The following SCAI variants were observed in gnomAD, a reference collection of about 807,000 sequenced individuals.
The protein encoded by SCAI is protein SCAI.
Under a neutral mutation model 92.2 loss-of-function variants are expected in SCAI, and 24 were observed. The ratio of observed to expected loss-of-function variants is 0.26; its 90% CI spans 0.19 to 0.37. SCAI has a LOEUF of 0.37. SCAI is among the 10% of genes least tolerant of loss of function. SCAI has a pLI of 1.00. For missense variants in SCAI, 450 were observed against 736.2 expected (o/e 0.61, Z 4.50); for synonymous variants, 261 against 258.6 (o/e 1.01, Z -0.09).
At chr9:125,085,919 G>A (rs1031905486) in intron 2 of SCAI, among the ~76,000 whole-genome samples, 5 of 152,146 alleles carry the variant, frequency 3.3e-5, no homozygotes. Flanking sequence ...GTGTCAAGCT[G>A]ACACATCCTC....
In SCAI at chr9:125,090,914, C is replaced by T. The variant is rs533074523; in HGVS notation, c.99-34907G>A. Among the ~76,000 whole-genome samples, 24 of 152,134 alleles carry T rather than the reference C, an allele frequency of 1.6e-4. No individual in the cohort carries two copies. The East Asian group carries it at 3.7e-3, about 23-fold the overall frequency. Reference sequence around the variant, plus strand: ...CAGGTGGATCATGAGGTCAAGAGATCGAGACCATCCTGGCCAACATGGTGA... The same window carrying T: ...CAGGTGGATCATGAGGTCAAGAGATTGAGACCATCCTGGCCAACATGGTGA... On this transcript the variant is annotated intron_variant, in intron 2 of 17. Transcript: ENST00000336505.
intron 17 of SCAI, among the ~76,000 whole-genome samples, chr9:124,956,304 C>T (rs1464685288): frequency 2.0e-5 from 3 of 152,226 alleles, no homozygotes; most frequent in East Asian, 1.9e-4. Flanking sequence ...CCACAACTTC[C>T]GCCTGCTGGG....
At chr9:124,967,287 T>C (rs1831561007) in intron 17 of SCAI, among the ~76,000 whole-genome samples, 1 of 152,162 alleles carries the variant, frequency 6.6e-6, no homozygotes, top group Non-Finnish European at 1.5e-5. Flanking sequence ...CCAATGGGAA[T>C]TAGAGCTAGC....
At position 125,011,789 on chromosome 9, in the gene SCAI, C is replaced by T. The variant is rs150132657; in HGVS notation, c.861+7010G>A. On this transcript the variant is annotated intron_variant, in intron 9 of 17. Coordinates refer to ENST00000336505, the MANE Select transcript of SCAI (RefSeq NM_001144877.3). ...GTTAAGGGCAGCCAGATAGAAAGGT[C>T]GGGTTACCACAAAGGGAAGCCCATC... Among the ~76,000 whole-genome samples the T allele has an allele frequency of 6.2e-3, 951 of 152,226 alleles. 8 individuals are homozygous for T. Among genetic ancestry groups the T allele is most frequent in the Middle Eastern group, 0.024 (7 of 294 alleles).
intron 17 of SCAI, among the ~76,000 whole-genome samples, chr9:124,965,669 C>G (rs1010395958): frequency 2.6e-5 from 4 of 152,190 alleles, no homozygotes; most frequent in African/African-American, 9.7e-5. Flanking sequence ...CACAAATTTT[C>G]TTTTCTTTTT....
intron 12 of SCAI, 68 bp from the exon 13 acceptor site, chr9:125,000,058 A>C: frequency 1.5e-6 from 1 of 668,448 alleles, no homozygotes; most frequent in South Asian, 2.1e-5. Flanking sequence ...GTTCAAATAC[A>C]AAGGTACTGT....
At chr9:125,032,193 A>AT (rs766382699) in intron 3 of SCAI, among the ~76,000 whole-genome samples, 30,417 of 108,706 alleles carry the variant, frequency 0.28, 4,423 homozygotes, top group Non-Finnish European at 0.34. Flanking sequence ...ATATATATAT[A>AT]TATTTTTTTT....
intron 17 of SCAI, among the ~76,000 whole-genome samples, chr9:124,967,912 G>A (rs1831571758): frequency 6.6e-6 from 1 of 152,192 alleles, no homozygotes; most frequent in African/African-American, 2.4e-5. Context: ...TTAACCAGTT[G>A]CTCTTCATGT....
intron 9 of SCAI, among the ~76,000 whole-genome samples, chr9:125,013,916 C>T (rs1377522447): frequency 2.6e-5 from 4 of 152,084 alleles, no homozygotes; most frequent in East Asian, 3.9e-4. Flanking sequence ...TAAATAGAAC[C>T]AAAGACAAAA....
intron 5 of SCAI, 28 bp from the exon 6 acceptor site, chr9:125,026,938 T>C (rs1303501018): frequency 1.5e-6 from 2 of 1,344,036 alleles, no homozygotes; most frequent in East Asian, 4.6e-5. Context: ...TTTTTAAATA[T>C]GACAGTGTCA....
intron 9 of SCAI, 143 bp downstream of exon 9, chr9:125,018,656 T>C (rs1832810703): frequency 6.2e-6 from 4 of 646,182 alleles, no homozygotes; most frequent in Non-Finnish European, 1.0e-5. Flanking sequence ...TGTAATATAT[T>C]CCATATATGC....
chr9:125,097,946 C>A (rs1293049668), intron 2 of SCAI, among the ~76,000 whole-genome samples: 2 of 150,622 alleles, frequency 1.3e-5, no homozygotes, highest in East Asian at 3.9e-4. Context: ...TATGAATATT[C>A]CTCTAAGAAT....
chr9:125,089,679 T>A (rs1382221819), intron 2 of SCAI, among the ~76,000 whole-genome samples: 1 of 151,322 alleles, frequency 6.6e-6, no homozygotes, highest in Non-Finnish European at 1.5e-5. Flanking sequence ...TTTTTTTGGT[T>A]TGGGGTTGGG....
chr9:125,005,767 C>A (rs1185308901), intron 9 of SCAI, among the ~76,000 whole-genome samples: 4 of 152,174 alleles, frequency 2.6e-5, no homozygotes, highest in Non-Finnish European at 5.9e-5. Flanking sequence ...CCCTCCCACA[C>A]ATACACCTAT....
At chr9:125,042,615 ATGTGTG>A (rs150983142) in intron 3 of SCAI, among the ~76,000 whole-genome samples, 1 of 105,154 alleles carries the variant, frequency 9.5e-6, no homozygotes, top group Non-Finnish European at 1.9e-5. Context: ...CCACCAGAGT[ATGTGTG>A]TGTGTGTGTG....
At chr9:125,062,475 G>A (rs1833788911) in intron 2 of SCAI, among the ~76,000 whole-genome samples, 1 of 151,308 alleles carries the variant, frequency 6.6e-6, no homozygotes, top group African/African-American at 2.4e-5. Context: ...AGCAGGCTGG[G>A]CGCAGTGGCT....
chr9:125,110,209 A>T (rs1002727076), intron 2 of SCAI, among the ~76,000 whole-genome samples: 1 of 152,230 alleles, frequency 6.6e-6, no homozygotes, highest in Non-Finnish European at 1.5e-5. Context: ...CCTTGAACAG[A>T]TCATTTGTCT....
rs759238514 is a variant in SCAI, at chr9:124,946,852, A to C, written c.*5955T>G. On this transcript the variant is annotated 3_prime_UTR_variant, in exon 18 of 18. Transcript: ENST00000336505. This position sits in a 1 kb window ranked among gnomAD's most constrained non-coding sequence, Gnocchi z 4.0. ...GAGTGAAGGCATTTTATTCAGTGGAAGCATTTTCTCAGATGAGCCTACTCA... is the reference window on the plus strand; with the variant it reads ...GAGTGAAGGCATTTTATTCAGTGGACGCATTTTCTCAGATGAGCCTACTCA... 12 of 152,358 alleles carry C rather than the reference A, an allele frequency of 7.9e-5. No individual in the cohort carries two copies. The highest frequency in any genetic ancestry group is 2.1e-4 in the South Asian group (1 of 4,830). 9.4% of individuals were successfully genotyped at this position (152,358 alleles called of 1,614,324 possible). A position where few individuals can be genotyped will look rare whatever the true frequency, so the allele number is the denominator to read the frequency against.
At chr9:125,097,432 C>T (rs565264679) in intron 2 of SCAI, among the ~76,000 whole-genome samples, 44 of 151,380 alleles carry the variant, frequency 2.9e-4, no homozygotes, top group Non-Finnish European at 5.6e-4. Context: ...GACTCCGTCT[C>T]GGGGAAAAAG....
Sources: gnomAD v4.1 joint callset for allele counts (sites outside exome capture counted in the v4.1 genomes callset) on GRCh38, gnomAD v4.1.1 for gene constraint, Gnocchi (gnomAD v3.1) non-coding constraint, MANE v1.5 for transcripts, NCBI Gene and HGNC (gene_info 2026-07-23, HGNC 2026-07-21) for gene names.